Variants in PPFIA4 observed in about 807,000 individuals in gnomAD.
The protein encoded by PPFIA4 is PPFI scaffold protein A4, also known as liprin-alpha-4.
PPFIA4 carries 98 observed loss-of-function variants against 145.7 expected under a neutral mutation model. The ratio of observed to expected loss-of-function variants is 0.67; its 90% CI spans 0.57 to 0.80. The LOEUF is 0.80. Ranked by LOEUF, PPFIA4 falls within the 30% of genes least tolerant of loss-of-function variation. The pLI, the probability that PPFIA4 is intolerant of heterozygous loss-of-function variation, is 0.00. For missense variants in PPFIA4, 1,457 were observed against 1,632.7 expected, an observed-to-expected ratio of 0.89 and a Z score of 1.85; for synonymous variants, 628 against 649.6, an observed-to-expected ratio of 0.97 and a Z score of 0.51.
At position 203,075,687 on chromosome 1, in the gene PPFIA4, G is replaced by A. The variant is rs778208758; in HGVS notation, c.3504G>A (p.Ala1168=). 6 of 1,489,446 alleles carry A rather than the reference G, an allele frequency of 4.0e-6. No individual in the cohort carries two copies. Among genetic ancestry groups the A allele is most frequent in the Non-Finnish European group, 4.5e-6 (5 of 1,117,392 alleles). The allele number at this position is 1,489,446 out of a possible 1,614,324, so 92.3% of individuals were successfully genotyped here. The stretch of plus-strand genomic sequence containing the variant: ...GCGCTTCCGCGGAGACCCTCCCGGC[G>A]GGCTTCCGTGTGTCCACCCTGGGGA... The part of the protein sequence containing the change: ...MLSASAETLP[A]GFRVSTLGTL... Residue 1168 remains alanine (A), a synonymous_variant, in exon 29 of 30, where the codon GCG becomes GCA. Transcript: ENST00000295706. The surrounding 1 kb of genome is among the most constrained non-coding windows in gnomAD (Gnocchi z 4.1).
intron 27 of PPFIA4, among the ~76,000 whole-genome samples, chr1:203,071,361 C>T (rs559482347): frequency 3.3e-5 from 5 of 151,338 alleles, no homozygotes; most frequent in South Asian, 2.1e-4. Context: ...TTCGTAGAGA[C>T]GGGGTTTCAC....
rs1008302694 is a variant in PPFIA4 at position 203,043,551 on chromosome 1, TG to T, written c.336+58del. 4.8e-6 allele frequency: 7 copies of T among 1,466,742 alleles called. No homozygotes were observed. The Admixed American group carries it at 1.2e-4, about 25-fold the overall frequency. The allele number at this position is 1,466,742 out of a possible 1,614,324, so 90.9% of individuals were successfully genotyped here. A position where few individuals can be genotyped will look rare whatever the true frequency, so the allele number is the denominator to read the frequency against. On this transcript the variant is annotated intron_variant, in intron 3 of 29. Transcript: ENST00000295706. This position sits in a 1 kb window ranked among gnomAD's most constrained non-coding sequence, Gnocchi z 4.4. ...GCGCGCACGTGTGTGTGTGTGTGTA[TG>T]GGGGTGTGTTGTGAACACCTTGACC...
rs529461729 is a variant in PPFIA4, at chr1:203,048,597, A to G, written c.1239A>G (p.Glu413=). The stretch of plus-strand genomic sequence containing the variant: ...CGGCTGTGCAGGTGCGCCAGCGGGA[A>G]AAGATGAATGAGGACCACAACAAGC... The part of the protein sequence containing the change: ...NQELARVRQR[E]KMNEDHNKRL... The change falls in exon 11 of 30, where the codon GAA becomes GAG. Residue 413 remains glutamate (E), a synonymous_variant. Coordinates refer to ENST00000295706, the MANE Select transcript of PPFIA4 (RefSeq NM_001304331.2). This position sits in a 1 kb window ranked among gnomAD's most constrained non-coding sequence, Gnocchi z 5.8. 2.5e-6 allele frequency: 4 copies of G among 1,589,364 alleles called. No homozygotes were observed. Among genetic ancestry groups the G allele is most frequent in the South Asian group, 2.3e-5 (2 of 87,280 alleles).
At chr1:203,062,504 A>C (rs1200965357) in intron 24 of PPFIA4, among the ~76,000 whole-genome samples, 2 of 147,220 alleles carry the variant, frequency 1.4e-5, no homozygotes, top group Non-Finnish European at 3.0e-5. Flanking sequence ...AAAAAAAAAA[A>C]AAGATAGTCT....
chr1:203,061,082 A>G (rs1436815811), intron 23 of PPFIA4, 50 bp downstream of exon 23: 2 of 1,550,360 alleles, frequency 1.3e-6, no homozygotes, highest in Non-Finnish European at 1.8e-6. Context: ...TGGGACTGAT[A>G]CTCCCATGAG....
intron 9 of PPFIA4, among the ~76,000 whole-genome samples, chr1:203,047,411 C>T (rs1433533219): frequency 6.6e-6 from 1 of 152,182 alleles, no homozygotes; most frequent in African/African-American, 2.4e-5. Context: ...GGCTGCTGAG[C>T]AGTCAGCCTT....
At position 203,032,430 on chromosome 1, in the gene PPFIA4, T is replaced by TTGTTGTTGTTGTTG. The variant is rs1571653652; in HGVS notation, c.-400+5802_-400+5803insGTTGTTGTTGTTGT. Among the ~76,000 whole-genome samples, 299 of 139,448 alleles carry TTGTTGTTGTTGTTG rather than the reference T, an allele frequency of 2.1e-3. 1 individual carries two copies. The highest frequency in any genetic ancestry group is 7.3e-3 in the African/African-American group (274 of 37,596). The allele number at this position is 139,448 out of a possible 152,430, so 91.5% of individuals were successfully genotyped here. A position where few individuals can be genotyped will look rare whatever the true frequency, so the allele number is the denominator to read the frequency against. On this transcript the variant is annotated intron_variant, in intron 1 of 29. Transcript: ENST00000295706. Reference sequence around the variant, plus strand: ...CTTGTAGTTCTCCCTTCCCCGCTTTTTTGTTGTTGTTGTTGTTTTTGAAAT... The same window carrying TTGTTGTTGTTGTTG: ...CTTGTAGTTCTCCCTTCCCCGCTTTTTGTTGTTGTTGTTGTTGTTGTTGTTGTTGTTTTTGAAAT...
chr1:203,037,015 G>C (rs1659324469), intron 1 of PPFIA4, among the ~76,000 whole-genome samples: 1 of 152,198 alleles, frequency 6.6e-6, no homozygotes, highest in African/African-American at 2.4e-5. Context: ...TGGGGCATGT[G>C]TGTGTGCATG....
rs553859363 is a variant in PPFIA4 at position 203,072,228 on chromosome 1, G to C, written c.3393+468G>C. Among the ~76,000 whole-genome samples, 84 of 152,312 alleles carry C rather than the reference G, an allele frequency of 5.5e-4. 2 individuals carry two copies. In the South Asian group the frequency reaches 0.017, roughly 31 times the overall value. On this transcript the variant is annotated intron_variant, in intron 28 of 29. Transcript: ENST00000295706. ...TGGAGGCGGATGCCCTGCTGAGGTTGTTAAATGACAGGTTTGCTCTCTCGC... is the reference window on the plus strand; with the variant it reads ...TGGAGGCGGATGCCCTGCTGAGGTTCTTAAATGACAGGTTTGCTCTCTCGC...
chr1:203,046,602 G>C, intron 9 of PPFIA4: 1 of 470,874 alleles, frequency 2.1e-6, no homozygotes, highest in Non-Finnish European at 3.7e-6. Flanking sequence ...CTCATAAGAA[G>C]GGGTGTAAAA....
chr1:203,044,278 A>G, intron 4 of PPFIA4, 101 bp from the exon 5 acceptor site: 1 of 1,247,692 alleles, frequency 8.0e-7, no homozygotes, highest in Non-Finnish European at 1.1e-6. Context: ...TAGGCCCTTC[A>G]CTGTCCTCAT....
chr1:203,035,922 G>A (rs892695029), intron 1 of PPFIA4, among the ~76,000 whole-genome samples: 2 of 152,226 alleles, frequency 1.3e-5, no homozygotes, highest in Non-Finnish European at 2.9e-5. Flanking sequence ...AGGGGAAGTG[G>A]AGTTGCTCGC....
intron 19 of PPFIA4, among the ~76,000 whole-genome samples, chr1:203,058,010 C>A (rs895759559): frequency 6.6e-6 from 1 of 152,020 alleles, no homozygotes; most frequent in African/African-American, 2.4e-5. Flanking sequence ...GACAGCTAGG[C>A]TGGGGCCAGC....
intron 2 of PPFIA4, among the ~76,000 whole-genome samples, chr1:203,042,415 G>T (rs1659760285): frequency 6.6e-6 from 1 of 152,180 alleles, no homozygotes; most frequent in Non-Finnish European, 1.5e-5. Context: ...TTGGCATCAG[G>T]AGCTGGGATG....
chr1:203,030,952 C>T (rs993143813), intron 1 of PPFIA4, among the ~76,000 whole-genome samples: 1 of 152,232 alleles, frequency 6.6e-6, no homozygotes, highest in African/African-American at 2.4e-5. Context: ...CACATCTACA[C>T]ACTGTCATGA....
chr1:203,045,744 A>C, intron 7 of PPFIA4, 97 bp from the exon 8 acceptor site: 3 of 1,569,944 alleles, frequency 1.9e-6, no homozygotes, highest in Non-Finnish European at 2.6e-6. Flanking sequence ...CATGCCCCTT[A>C]ATGGGTTCCA....
chr1:203,037,115 A>G (rs782805), intron 1 of PPFIA4: 247,102 of 262,978 alleles, frequency 0.94, 118,141 homozygotes, highest in Non-Finnish European at 1. Flanking sequence ...AACTTTCCTC[A>G]GATCTAGACC....
At chr1:203,034,378 G>C (rs1052340690) in intron 1 of PPFIA4, 2 of 448,462 alleles carry the variant, frequency 4.5e-6, no homozygotes, top group Non-Finnish European at 8.9e-6. Flanking sequence ...GGAGAGGATG[G>C]GTGAGGGCCA....
chr1:203,056,655 G>A (rs1366657313), intron 18 of PPFIA4, 129 bp from the exon 19 acceptor site: 1 of 1,321,026 alleles, frequency 7.6e-7, no homozygotes, highest in Non-Finnish European at 1.0e-6. Flanking sequence ...GGGAGTTCAT[G>A]TGTCTCCTTT....
Sources: allele counts gnomAD v4.1 joint callset (sites outside exome capture counted in the v4.1 genomes callset), GRCh38; gene constraint gnomAD v4.1.1; non-coding constraint Gnocchi (gnomAD v3.1); transcripts MANE v1.5; gene names NCBI Gene and HGNC (gene_info 2026-07-23, HGNC 2026-07-21).